The following CSMD1 variants were observed in gnomAD, a reference collection of about 807,000 sequenced individuals.
CSMD1 encodes CUB and Sushi multiple domains 1.
Under a neutral mutation model 417.5 loss-of-function variants are expected in CSMD1, and 213 were observed. That is an observed-to-expected ratio of 0.51 (90% CI 0.46 to 0.57). The LOEUF is 0.57. CSMD1 is among the 20% of genes least tolerant of loss of function. CSMD1 has a pLI of 0.00. For missense variants in CSMD1, 6,923 were observed against 4,529.7 expected, an observed-to-expected ratio of 1.53 and a Z score of -15.17; for synonymous variants, 2,862 against 1,736.8, an observed-to-expected ratio of 1.65 and a Z score of -16.11.
intron 10 of CSMD1, among the ~76,000 whole-genome samples, chr8:3,541,697 A>G (rs1037050028): frequency 9.4e-5 from 14 of 149,502 alleles, no homozygotes; most frequent in Non-Finnish European, 4.5e-5. Context: ...ACTAGTTCAG[A>G]AAATTCATTT....
chr8:4,256,830 G>C (rs1803491112), intron 3 of CSMD1, among the ~76,000 whole-genome samples: 1 of 152,206 alleles, frequency 6.6e-6, no homozygotes, highest in Non-Finnish European at 1.5e-5. Flanking sequence ...TATGAGCAAA[G>C]AACAGCTATC....
chr8:4,252,907 C>G (rs988782746), intron 3 of CSMD1, among the ~76,000 whole-genome samples: 1 of 152,208 alleles, frequency 6.6e-6, no homozygotes, highest in Non-Finnish European at 1.5e-5. Flanking sequence ...TCATGACCAA[C>G]TTAAGTGGCT....
intron 46 of CSMD1, among the ~76,000 whole-genome samples, chr8:3,100,805 G>A (rs1433635414): frequency 1.3e-5 from 2 of 152,054 alleles, no homozygotes; most frequent in Non-Finnish European, 2.9e-5. Context: ...GCATAAATTG[G>A]GATTTATGAG....
At chr8:4,632,379 G>A (rs909480906) in intron 2 of CSMD1, among the ~76,000 whole-genome samples, 2 of 143,776 alleles carry the variant, frequency 1.4e-5, no homozygotes, top group African/African-American at 5.4e-5. Flanking sequence ...CAGGTGTGGT[G>A]GTGCACCCTG....
chr8:3,162,479 T>C (rs1373465314), intron 37 of CSMD1, among the ~76,000 whole-genome samples: 3 of 152,178 alleles, frequency 2.0e-5, no homozygotes, highest in Non-Finnish European at 4.4e-5. Context: ...TAAATTATCT[T>C]ATTTTCATTA....
intron 3 of CSMD1, among the ~76,000 whole-genome samples, chr8:4,219,986 G>A (rs573743441): frequency 6.6e-6 from 1 of 152,162 alleles, no homozygotes; most frequent in African/African-American, 2.4e-5. Flanking sequence ...GTCTCACTCT[G>A]TCACCCAGGC....
chr8:3,109,031 AAGGC>A (rs1218216928), intron 43 of CSMD1, among the ~76,000 whole-genome samples: 10 of 152,266 alleles, frequency 6.6e-5, no homozygotes, highest in Non-Finnish European at 1.3e-4. Flanking sequence ...TTGGGAGGCC[AAGGC>A]AGGCAGATCA....
At chr8:3,636,593 G>T (rs1235867538) in intron 7 of CSMD1, among the ~76,000 whole-genome samples, 1 of 152,138 alleles carries the variant, frequency 6.6e-6, no homozygotes, top group African/African-American at 2.4e-5. Flanking sequence ...AACGGAATGT[G>T]AAAAACATCT....
At chr8:3,637,185 C>G (rs4515570) in intron 7 of CSMD1, among the ~76,000 whole-genome samples, 72,266 of 152,032 alleles carry the variant, frequency 0.48, 17,332 homozygotes, top group Middle Eastern at 0.64. Flanking sequence ...AATTGTTTAA[C>G]ACAGTTTTTA....
intron 21 of CSMD1, among the ~76,000 whole-genome samples, chr8:3,351,985 T>G (rs1325440016): frequency 6.6e-6 from 1 of 152,166 alleles, no homozygotes; most frequent in African/African-American, 2.4e-5. Flanking sequence ...AGTTTTGTTT[T>G]TGCTTTGTCA....
At chr8:4,308,463 T>C (rs919037956) in intron 3 of CSMD1, among the ~76,000 whole-genome samples, 11 of 152,158 alleles carry the variant, frequency 7.2e-5, no homozygotes, top group African/African-American at 1.9e-4. Context: ...AAGGATGTGA[T>C]CTTCAGCGAG....
intron 11 of CSMD1, among the ~76,000 whole-genome samples, chr8:3,485,495 G>C (rs1230814856): frequency 6.7e-6 from 1 of 149,314 alleles, no homozygotes; most frequent in Admixed American, 6.7e-5. Context: ...AACTTAAACA[G>C]GTAGTGAAAT....
At chr8:4,277,292 G>C (rs1376534025) in intron 3 of CSMD1, among the ~76,000 whole-genome samples, 1 of 151,762 alleles carries the variant, frequency 6.6e-6, no homozygotes, top group Admixed American at 6.6e-5. Flanking sequence ...GAATAAATAA[G>C]CTTAAAAATC....
intron 2 of CSMD1, among the ~76,000 whole-genome samples, chr8:4,587,104 G>C (rs1001430310): frequency 6.6e-6 from 1 of 152,080 alleles, no homozygotes; most frequent in African/African-American, 2.4e-5. Flanking sequence ...ATATCCTACA[G>C]AGGCCAATAG....
intron 2 of CSMD1, among the ~76,000 whole-genome samples, chr8:4,466,155 G>A (rs1397760262): frequency 1.3e-5 from 2 of 152,146 alleles, no homozygotes; most frequent in Non-Finnish European, 2.9e-5. Context: ...TTGTGAGAGA[G>A]TCTTACTCCG....
intron 1 of CSMD1, 63 bp downstream of exon 1, chr8:4,994,269 C>T: frequency 6.8e-7 from 1 of 1,479,186 alleles, no homozygotes; most frequent in South Asian, 1.2e-5. Context: ...CGCACACTCG[C>T]GTCCGCACAC....
chr8:3,850,937 A>G (rs532974623), intron 5 of CSMD1, among the ~76,000 whole-genome samples: 15 of 152,312 alleles, frequency 9.8e-5, no homozygotes, highest in African/African-American at 3.4e-4. Flanking sequence ...AATAAGAATT[A>G]CTTCTTTTAA....
chr8:4,176,515 G>A (rs1428018441), intron 3 of CSMD1, among the ~76,000 whole-genome samples: 2 of 151,826 alleles, frequency 1.3e-5, no homozygotes, highest in Non-Finnish European at 2.9e-5. Context: ...TACCTTCACT[G>A]TGACATATCA....
At chr8:3,207,228 C>T (rs1416294398) in intron 30 of CSMD1, among the ~76,000 whole-genome samples, 2 of 146,902 alleles carry the variant, frequency 1.4e-5, no homozygotes, top group Non-Finnish European at 3.0e-5. Flanking sequence ...CTCACTGCAA[C>T]CTCCGCCACC....
Sources: gnomAD v4.1 joint callset for allele counts (sites outside exome capture counted in the v4.1 genomes callset) on GRCh38, gnomAD v4.1.1 for gene constraint, MANE v1.5 for transcripts, NCBI Gene and HGNC (gene_info 2026-07-23, HGNC 2026-07-21) for gene names.